SCN3A: variants seen among roughly 807,000 people sequenced by gnomAD.
SCN3A encodes the protein sodium voltage-gated channel alpha subunit 3, also known as sodium channel protein type 3 subunit alpha.
Under a neutral mutation model 187.6 loss-of-function variants are expected in SCN3A, and 60 were observed. The ratio of observed to expected loss-of-function variants is 0.32; its 90% CI spans 0.26 to 0.40. The LOEUF (loss-of-function observed/expected upper bound fraction) is 0.40. Ranked by LOEUF, SCN3A falls within the 10% of genes least tolerant of loss-of-function variation. The probability of loss-of-function intolerance (pLI) is 1.00; values close to 1 mark genes in which losing one functional copy is unlikely to be tolerated. For missense variants in SCN3A, 1,601 were observed against 2,428.2 expected, an observed-to-expected ratio of 0.66 and a Z score of 7.16; for synonymous variants, 788 against 829.2, an observed-to-expected ratio of 0.95 and a Z score of 0.85.
chr2:165,180,057 A>G (rs1443047598), intron 2 of SCN3A, among the ~76,000 whole-genome samples: 1 of 152,176 alleles, frequency 6.6e-6, no homozygotes, highest in African/African-American at 2.4e-5. Flanking sequence ...AAGATACGAA[A>G]AAAATCTTAG....
At chr2:165,148,466 A>T (rs1486452554) in intron 11 of SCN3A, among the ~76,000 whole-genome samples, 1 of 152,076 alleles carries the variant, frequency 6.6e-6, no homozygotes, top group African/African-American at 2.4e-5. Context: ...CTTGAGAAGA[A>T]GCAAACTCTC....
At chr2:165,189,156 T>C (rs1691438341) in intron 1 of SCN3A, among the ~76,000 whole-genome samples, 1 of 152,222 alleles carries the variant, frequency 6.6e-6, no homozygotes, top group South Asian at 2.1e-4. Flanking sequence ...CTAAAAGTTG[T>C]ATATAAAAAG....
At chr2:165,094,128 T>C (rs1048073908) in intron 26 of SCN3A, 9 of 501,004 alleles carry the variant, frequency 1.8e-5, no homozygotes, top group Middle Eastern at 5.4e-4. Context: ...GCTTTGGAAG[T>C]ATTTATTAGG....
intron 2 of SCN3A, among the ~76,000 whole-genome samples, chr2:165,184,500 GAAAA>G (rs66514310): frequency 3.8e-5 from 4 of 105,600 alleles, no homozygotes; most frequent in African/African-American, 6.6e-5. Context: ...AAAAAAAAAA[GAAAA>G]AAAAAAAAAA....
chr2:165,112,755 T>C (rs1686182480), intron 21 of SCN3A, 130 bp downstream of exon 21: 1 of 780,604 alleles, frequency 1.3e-6, no homozygotes, highest in Non-Finnish European at 2.1e-6. Context: ...TTGTTGCATA[T>C]GTTACAGTTT....
intron 9 of SCN3A, among the ~76,000 whole-genome samples, chr2:165,156,759 C>G (rs1391484860): frequency 2.0e-5 from 3 of 152,046 alleles, no homozygotes; most frequent in African/African-American, 7.2e-5. Flanking sequence ...TGCTACGCTG[C>G]CCAGGCTGGT....
intron 15 of SCN3A, among the ~76,000 whole-genome samples, chr2:165,134,853 T>C (rs1687570389): frequency 1.3e-5 from 2 of 151,952 alleles, no homozygotes; most frequent in African/African-American, 2.4e-5. Context: ...TCTACAAATA[T>C]CTCTTTCTAT....
intron 12 of SCN3A, among the ~76,000 whole-genome samples, chr2:165,142,154 TA>T (rs1025565749): frequency 1.3e-5 from 2 of 152,142 alleles, no homozygotes; most frequent in African/African-American, 4.8e-5. Context: ...ACACCCAGGG[TA>T]ATATACATAC....
At position 165,088,671 on chromosome 2, in the gene SCN3A, A is replaced by C. The variant is rs1684944369; in HGVS notation, c.*1479T>G. The C allele has an allele frequency of 6.6e-6, 1 of 152,604 alleles. No individual in the cohort carries two copies. Among genetic ancestry groups the C allele is most frequent in the South Asian group, 2.1e-4 (1 of 4,832 alleles). 9.5% of individuals were successfully genotyped at this position (152,604 alleles called of 1,614,324 possible). ...AGTTTGGAATTGTGATTAAAAATCA[A>C]AAGCAAAAGCATAAAGTAAAATAAA... On this transcript the variant is annotated 3_prime_UTR_variant, in exon 28 of 28. Coordinates refer to ENST00000283254, the MANE Select transcript of SCN3A (RefSeq NM_006922.4).
At position 165,170,647 on chromosome 2, in the gene SCN3A, T is replaced by C. The variant is rs555680938; in HGVS notation, c.265-99A>G. ...CTTTTTAAAAAATAGAATTTGTTTGTTCAAACTTGTTTGTTTAAACCAGTT... is the reference window on the plus strand; with the variant it reads ...CTTTTTAAAAAATAGAATTTGTTTGCTCAAACTTGTTTGTTTAAACCAGTT... On this transcript the variant is annotated intron_variant, in intron 3 of 27. Coordinates refer to ENST00000283254, the MANE Select transcript of SCN3A (RefSeq NM_006922.4). 7 of 762,988 alleles carry C rather than the reference T, an allele frequency of 9.2e-6. No homozygotes were observed. The South Asian group carries it at 9.3e-5, about 10-fold the overall frequency. 47.3% of individuals were successfully genotyped at this position (762,988 alleles called of 1,614,324 possible).
intron 9 of SCN3A, among the ~76,000 whole-genome samples, chr2:165,156,303 G>A (rs557080615): frequency 4.0e-5 from 6 of 151,586 alleles, no homozygotes; most frequent in Non-Finnish European, 8.8e-5. Context: ...TCAGGAGATC[G>A]AGACTATCCT....
intron 18 of SCN3A, among the ~76,000 whole-genome samples, chr2:165,115,829 C>G (rs530722171): frequency 2.8e-4 from 42 of 152,216 alleles, no homozygotes; most frequent in African/African-American, 9.4e-4. Context: ...ATGGATTATA[C>G]TGATTAACTT....
chr2:165,124,747 G>C (rs937425014), intron 18 of SCN3A, among the ~76,000 whole-genome samples: 1 of 151,922 alleles, frequency 6.6e-6, no homozygotes, highest in Non-Finnish European at 1.5e-5. Flanking sequence ...ATTTTCCCAG[G>C]TTCTTTAGTA....
intron 2 of SCN3A, among the ~76,000 whole-genome samples, chr2:165,185,054 T>C (rs1691143948): frequency 6.6e-6 from 1 of 151,422 alleles, no homozygotes; most frequent in South Asian, 2.1e-4. Flanking sequence ...CTCAATGTCA[T>C]GGCTCTGAAA....
At chr2:165,134,587 T>C (rs1312743204) in intron 15 of SCN3A, among the ~76,000 whole-genome samples, 1 of 152,136 alleles carries the variant, frequency 6.6e-6, no homozygotes, top group Non-Finnish European at 1.5e-5. Context: ...AAAATGTATT[T>C]TAAGCAAGCC....
intron 2 of SCN3A, 111 bp from the exon 3 acceptor site, chr2:165,176,555 C>T (rs1690481697): frequency 1.2e-6 from 1 of 812,404 alleles, no homozygotes; most frequent in Non-Finnish European, 2.0e-6. Flanking sequence ...AACATTAAGT[C>T]ATGCTTTTAG....
At position 165,089,998 on chromosome 2, in the gene SCN3A, G is replaced by A. The variant is rs1298803127; in HGVS notation, c.*152C>T. ...CTTCACAGAGTTGCAGTGACAGAGA[G>A]GTCACTTCACTGTCTTGTATAGGCA... On this transcript the variant is annotated 3_prime_UTR_variant, in exon 28 of 28. Transcript: ENST00000283254. The A allele has an allele frequency of 3.0e-6, 3 of 1,010,608 alleles. No homozygotes were observed. The Admixed American group carries it at 8.1e-5, about 27-fold the overall frequency. 62.6% of individuals were successfully genotyped at this position (1,010,608 alleles called of 1,614,324 possible). A position where few individuals can be genotyped will look rare whatever the true frequency, so the allele number is the denominator to read the frequency against.
chr2:165,154,769 G>T, intron 10 of SCN3A, 111 bp from the exon 11 acceptor site: 1 of 1,084,196 alleles, frequency 9.2e-7, no homozygotes, highest in Non-Finnish European at 1.4e-6. Context: ...TTAGTATCCA[G>T]TTTATTTTCA....
chr2:165,120,469 A>G (rs1686599668), intron 18 of SCN3A, among the ~76,000 whole-genome samples: 1 of 151,856 alleles, frequency 6.6e-6, no homozygotes, highest in African/African-American at 2.4e-5. Flanking sequence ...GCCTACTTCC[A>G]CTGAAATGCG....
Sources: allele counts gnomAD v4.1 joint callset (sites outside exome capture counted in the v4.1 genomes callset), GRCh38; gene constraint gnomAD v4.1.1; transcripts MANE v1.5; gene names NCBI Gene and HGNC (gene_info 2026-07-23, HGNC 2026-07-21).